SMIM24: variants seen among roughly 807,000 people sequenced by gnomAD.
SMIM24 encodes the protein MAP17-related dimer.
SMIM24 carries 6 observed loss-of-function variants against 10.8 expected under a neutral mutation model. The observed-to-expected ratio is 0.55, with a 90% CI of 0.30 to 1.09. The LOEUF (loss-of-function observed/expected upper bound fraction) is 1.09, where lower values mean the gene tolerates loss of function less well. Among genes scored for constraint, SMIM24 ranks in the 50% least tolerant of loss-of-function variants. The probability of loss-of-function intolerance (pLI) is 0.06; values close to 1 mark genes in which losing one functional copy is unlikely to be tolerated. For synonymous variants in SMIM24, 71 were observed against 62.4 expected, an observed-to-expected ratio of 1.14 and a Z score of -0.65; for missense variants, 151 against 153.4, an observed-to-expected ratio of 0.98 and a Z score of 0.08.
At chr19:3,479,474 G>A (rs1275140954) in intron 1 of SMIM24, among the ~76,000 whole-genome samples, 1 of 151,196 alleles carries the variant, frequency 6.6e-6, no homozygotes, top group Admixed American at 6.6e-5. Context: ...GAGGCTTAGA[G>A]GGAGGGGCTT....
At chr19:3,479,078 T>C in intron 1 of SMIM24, 149 bp from the exon 2 acceptor site, 1 of 393,074 alleles carries the variant, frequency 2.5e-6, no homozygotes, top group Non-Finnish European at 4.4e-6. Context: ...GAGACCTGGA[T>C]GGCGTAGGGG....
chr19:3,477,894 G>T (rs773001040), intron 3 of SMIM24, among the ~76,000 whole-genome samples: 7 of 151,924 alleles, frequency 4.6e-5, no homozygotes, highest in Non-Finnish European at 8.8e-5. Context: ...GGAAGATGGA[G>T]GTCTGCATCC....
Position 3,474,607 on chromosome 19 carries a change from T to G in SMIM24, c.*236A>C. ...CTCAACCAGGGATGCTCTCCGAGTA[T>G]AAGAAGAATCACCAGGCAGGGACCA... On this transcript the variant is annotated 3_prime_UTR_variant, in exon 4 of 4. Transcript: ENST00000215531. The G allele has an allele frequency of 1.9e-6, 1 of 533,104 alleles. No individual in the cohort carries two copies. The highest frequency in any genetic ancestry group is 3.3e-6 in the Non-Finnish European group (1 of 303,438). 33.0% of individuals were successfully genotyped at this position (533,104 alleles called of 1,614,324 possible).
chr19:3,480,455 G>A lies in SMIM24; in HGVS notation c.9C>T (p.Thr3=), dbSNP rs946833056. 3 of 1,549,136 alleles carry A rather than the reference G, an allele frequency of 1.9e-6. No homozygotes were observed. In the East Asian group the frequency reaches 7.3e-5, roughly 38 times the overall value. ...ACTCCAGCACCAGAAGGGCCCCCAG[G>A]GTCTCCATGACGGTCGAGTGAGCCA... ME[T]LGALLVLEFL... Residue 3 remains threonine (T), a synonymous_variant, in exon 1 of 4, where the codon ACC becomes ACT. Transcript: ENST00000215531.
At chr19:3,478,969 G>T in intron 1 of SMIM24, 40 bp from the exon 2 acceptor site, 1 of 1,492,840 alleles carries the variant, frequency 6.7e-7, no homozygotes, top group South Asian at 1.2e-5. Flanking sequence ...AGGAAGAAAA[G>T]GTCAGAAGAC....
In SMIM24 at chr19:3,474,811, G is replaced by C. The variant is rs910054765; in HGVS notation, c.*32C>G. The C allele has an allele frequency of 3.9e-6, 6 of 1,546,658 alleles. No individual in the cohort carries two copies. The highest frequency in any genetic ancestry group is 5.2e-6 in the Non-Finnish European group (6 of 1,145,410). On this transcript the variant is annotated 3_prime_UTR_variant, in exon 4 of 4. Transcript: ENST00000215531. ...TTAGGGGGCAGAAGAGGCATCTCTG[G>C]GGGACTGCCTGGAAGAGGCAGCCAG...
chr19:3,478,962 A>C (rs2082805126), intron 1 of SMIM24, 33 bp from the exon 2 acceptor site: 2 of 1,525,236 alleles, frequency 1.3e-6, no homozygotes, highest in Non-Finnish European at 1.8e-6. Flanking sequence ...GACTCAGAGG[A>C]AGAAAAGGTC....
At position 3,474,776 on chromosome 19, in the gene SMIM24, G is replaced by A. The variant is rs1445277576; in HGVS notation, c.*67C>T. On this transcript the variant is annotated 3_prime_UTR_variant, in exon 4 of 4. Transcript: ENST00000215531. ...GTCATTTCACGGGCTTCAAGTCCAG[G>A]GCACTGCTTTTAGGGGGCAGAAGAG... 62 of 1,509,982 alleles carry A rather than the reference G, an allele frequency of 4.1e-5. No homozygotes were observed. Among genetic ancestry groups the A allele is most frequent in the East Asian group, 2.0e-4 (8 of 40,664 alleles). The allele number at this position is 1,509,982 out of a possible 1,614,324, so 93.5% of individuals were successfully genotyped here.
intron 3 of SMIM24, among the ~76,000 whole-genome samples, chr19:3,476,223 A>G (rs71339187): frequency 0.039 from 5,966 of 152,150 alleles, 185 homozygotes; most frequent in Non-Finnish European, 0.063. Context: ...ACCAATGGAT[A>G]GGTAGATGGA....
At chr19:3,475,761 TG>T (rs1363522370) in intron 3 of SMIM24, among the ~76,000 whole-genome samples, 1 of 150,748 alleles carries the variant, frequency 6.6e-6, no homozygotes, top group Non-Finnish European at 1.5e-5. Flanking sequence ...GGTGAACAGA[TG>T]GGTGACTGAG....
Position 3,474,644 on chromosome 19 carries a change from A to AG in SMIM24, c.*198dup. 3.3e-6 allele frequency: 2 copies of AG among 609,706 alleles called. No homozygotes were observed. The highest frequency in any genetic ancestry group is 5.5e-6 in the Non-Finnish European group (2 of 365,092). The allele number at this position is 609,706 out of a possible 1,614,324, so 37.8% of individuals were successfully genotyped here. A position where few individuals can be genotyped will look rare whatever the true frequency, so the allele number is the denominator to read the frequency against. ...CCAGGCAGGGACCAAGCTCAGGAAGAGGGGTGCATGAAAACCATGTTTGCC... is the reference window on the plus strand; with the variant it reads ...CCAGGCAGGGACCAAGCTCAGGAAGAGGGGGTGCATGAAAACCATGTTTGCC... On this transcript the variant is annotated 3_prime_UTR_variant, in exon 4 of 4. Transcript: ENST00000215531.
At chr19:3,479,730 G>A (rs1386808260) in intron 1 of SMIM24, among the ~76,000 whole-genome samples, 66 of 141,696 alleles carry the variant, frequency 4.7e-4, no homozygotes, top group South Asian at 9.4e-4. Context: ...GCTCAGAGTG[G>A]GAGGGGCTTG....
intron 1 of SMIM24, chr19:3,479,197 A>G: frequency 2.7e-6 from 1 of 369,258 alleles, no homozygotes; most frequent in Non-Finnish European, 4.8e-6. Flanking sequence ...GAGGGGACGG[A>G]GTTTACAAAT....
chr19:3,476,138 T>C (rs959086545), intron 3 of SMIM24, among the ~76,000 whole-genome samples: 3 of 151,332 alleles, frequency 2.0e-5, no homozygotes, highest in African/African-American at 7.3e-5. Context: ...GTTGGGTGAA[T>C]TGATGGTTGC....
intron 1 of SMIM24, among the ~76,000 whole-genome samples, chr19:3,479,389 G>A (rs1408976298): frequency 1.1e-4 from 16 of 149,110 alleles, no homozygotes; most frequent in African/African-American, 4.0e-4. Context: ...AGATGGGGAG[G>A]GCTTATAAAG....
chr19:3,479,224 G>A, intron 1 of SMIM24: 1 of 320,414 alleles, frequency 3.1e-6, no homozygotes, highest in Non-Finnish European at 5.7e-6. Context: ...GGCTCAGAAG[G>A]GGCGGGGCTT....
chr19:3,475,903 G>T (rs1413210832), intron 3 of SMIM24, among the ~76,000 whole-genome samples: 1 of 151,728 alleles, frequency 6.6e-6, no homozygotes, highest in Non-Finnish European at 1.5e-5. Flanking sequence ...TGAATGGATG[G>T]ATGGGTGGGT....
At chr19:3,475,212 T>A (rs1277647880) in intron 3 of SMIM24, among the ~76,000 whole-genome samples, 2 of 152,142 alleles carry the variant, frequency 1.3e-5, no homozygotes, top group Admixed American at 6.5e-5. Context: ...GGTGGATGGA[T>A]GGATGGACAT....
rs1212576573 is a variant in SMIM24, at chr19:3,478,858, A to C, written c.139T>G (p.Leu47Val). 1 of 1,549,728 alleles carries C rather than the reference A, an allele frequency of 6.5e-7. No individual in the cohort carries two copies. The highest frequency in any genetic ancestry group is 8.7e-7 in the Non-Finnish European group (1 of 1,146,738). The change falls in exon 2 of 4, where the codon TTG becomes GTG. Residue 47 changes from leucine to valine, a missense_variant. Transcript: ENST00000215531. ...AVVGFLFIVY[L>V]VLLANRLWCS... is the part of the protein sequence containing the mutation. The stretch of plus-strand genomic sequence containing the variant: ...CAGAGGCGGTTGGCCAGCAAGACCA[A>C]ATAGACGATGAACAGGAAGCCGACT...
Sources: allele counts gnomAD v4.1 joint callset (sites outside exome capture counted in the v4.1 genomes callset), GRCh38; gene constraint gnomAD v4.1.1; transcripts MANE v1.5; gene names NCBI Gene and HGNC (gene_info 2026-07-23, HGNC 2026-07-21).